PLOD2: variants seen among roughly 807,000 people sequenced by gnomAD.
The protein encoded by PLOD2 is procollagen-lysine,2-oxoglutarate 5-dioxygenase 2, also known as lysine hydroxylase 2.
In PLOD2, 65 loss-of-function variants were observed where a neutral mutation model predicts 101.0. That is an observed-to-expected ratio of 0.64 (90% confidence interval 0.53 to 0.79). PLOD2 has a LOEUF of 0.79. PLOD2 is among the 30% of genes least tolerant of loss of function. The pLI is 0.00. For missense variants in PLOD2, 909 were observed against 914.6 expected, an observed-to-expected ratio of 0.99 and a Z score of 0.08; for synonymous variants, 314 against 302.9, an observed-to-expected ratio of 1.04 and a Z score of -0.38.
chr3:146,120,433 T>A (rs1424913522), intron 3 of PLOD2, among the ~76,000 whole-genome samples: 1 of 152,104 alleles, frequency 6.6e-6, no homozygotes, highest in East Asian at 1.9e-4. Flanking sequence ...AAGCTGAAAC[T>A]TGATCCCTTC....
intron 5 of PLOD2, 65 bp from the exon 6 acceptor site, chr3:146,104,407 T>C: frequency 2.4e-6 from 2 of 830,622 alleles, no homozygotes; most frequent in Admixed American, 3.5e-5. Context: ...TCCTATCATA[T>C]TAATATAGTT....
chr3:146,159,159 C>T (rs544587542), intron 1 of PLOD2, among the ~76,000 whole-genome samples: 6 of 152,312 alleles, frequency 3.9e-5, no homozygotes, highest in Non-Finnish European at 8.8e-5. Context: ...TATTTTCCCA[C>T]ATTTCGACCC....
chr3:146,076,194 G>T (rs1408432880), intron 15 of PLOD2: 1 of 151,798 alleles, frequency 6.6e-6, no homozygotes, highest in African/African-American at 2.4e-5. Flanking sequence ...GTGAGAACAT[G>T]CAGTATTTGG....
intron 7 of PLOD2, among the ~76,000 whole-genome samples, chr3:146,099,354 C>T (rs1160626227): frequency 6.6e-6 from 1 of 152,036 alleles, no homozygotes; most frequent in Non-Finnish European, 1.5e-5. Flanking sequence ...AACATAAGGC[C>T]TTATCCATAA....
intron 11 of PLOD2, 69 bp downstream of exon 11, chr3:146,085,100 C>T: frequency 6.6e-6 from 5 of 752,168 alleles, no homozygotes; most frequent in East Asian, 5.3e-5. Flanking sequence ...ACAATTACTA[C>T]AGTATGTTCA....
At chr3:146,151,198 TAAA>T (rs2108140991) in intron 1 of PLOD2, among the ~76,000 whole-genome samples, 1 of 152,268 alleles carries the variant, frequency 6.6e-6, no homozygotes, top group South Asian at 2.1e-4. Context: ...TTCTGACACT[TAAA>T]AGTCAAGAGA....
chr3:146,089,299 T>C (rs894077443), intron 8 of PLOD2, among the ~76,000 whole-genome samples: 1 of 151,548 alleles, frequency 6.6e-6, no homozygotes, highest in Non-Finnish European at 1.5e-5. Context: ...TCTTTAGATA[T>C]GTTTTGGTGT....
intron 7 of PLOD2, among the ~76,000 whole-genome samples, chr3:146,101,999 T>C (rs1937404671): frequency 6.6e-6 from 1 of 152,192 alleles, no homozygotes; most frequent in Admixed American, 6.5e-5. Flanking sequence ...CACATAGCTT[T>C]TCCTGGAATT....
In PLOD2 at chr3:146,070,740, C is replaced by G. The variant is rs1377014346; in HGVS notation, c.2254G>C (p.Ala752Pro). The change falls in exon 20 of 20, where the codon GCA becomes CCA. Residue 752 changes from alanine to proline, a missense_variant. Transcript: ENST00000282903. ...ACTTAGGGATCTATAAATGACACTG[C>G]AATGTATCTTGTTCCATTTTTAACA... Reference protein sequence around the residue: ...LPVKNGTRYIAVSFIDP With the variant: ...LPVKNGTRYIPVSFIDP 2 of 1,606,762 alleles carry G rather than the reference C, an allele frequency of 1.2e-6. No homozygotes were observed. The highest frequency in any genetic ancestry group is 3.4e-5 in the Admixed American group (2 of 59,664).
In PLOD2 at chr3:146,106,624, A is replaced by G; in HGVS notation, c.523T>C (p.Tyr175His). Residue 175 changes from tyrosine (Y) to histidine (H), a missense_variant, in exon 5 of 20, where the codon TAT becomes CAT. By Grantham distance (83) the Tyr-to-His change is moderately conservative. Transcript: ENST00000282903. Reference protein sequence around the residue: ...NSGGFIGYAPYVNRIVQQWNL... With the variant: ...NSGGFIGYAPHVNRIVQQWNL... ...CATTGTTGAACTATACGGTTGACAT[A>G]TGGAGCATAGCCAATAAATCCTGCA... The G allele has an allele frequency of 1.9e-6, 3 of 1,571,532 alleles. No individual in the cohort carries two copies. The highest frequency in any genetic ancestry group is 2.6e-6 in the Non-Finnish European group (3 of 1,141,296).
chr3:146,072,675 A>T lies in PLOD2; in HGVS notation c.1744-10T>A. 2 of 1,491,292 alleles carry T rather than the reference A, an allele frequency of 1.3e-6. No homozygotes were observed. Among genetic ancestry groups the T allele is most frequent in the Non-Finnish European group, 1.9e-6 (2 of 1,068,976 alleles). The allele number at this position is 1,491,292 out of a possible 1,614,324, so 92.4% of individuals were successfully genotyped here. A position where few individuals can be genotyped will look rare whatever the true frequency, so the allele number is the denominator to read the frequency against. On this transcript the variant is annotated splice_polypyrimidine_tract_variant and intron_variant, in intron 16 of 19. Transcript: ENST00000282903. ...AGACATCTGGACAGGGCTATAAAAT[A>T]TGCATCATCGTTAGAAGACATAATA... is the stretch of plus-strand genomic sequence containing the variant.
At chr3:146,148,441 G>A (rs368631547) in intron 1 of PLOD2, among the ~76,000 whole-genome samples, 1 of 150,182 alleles carries the variant, frequency 6.7e-6, no homozygotes, top group Non-Finnish European at 1.5e-5. Flanking sequence ...ACCTAAATAC[G>A]AAGAATAAAT....
chr3:146,134,006 C>G lies in PLOD2; in HGVS notation c.110-9777G>C, dbSNP rs193044189. Among the ~76,000 whole-genome samples, 358 of 152,142 alleles carry G rather than the reference C, an allele frequency of 2.4e-3. 2 individuals carry two copies. The highest frequency in any genetic ancestry group is 8.3e-3 in the African/African-American group (343 of 41,520). ...AAATAAGGAGTTTAACCAGTAGGTTCAGGGGTCTAGCAATCACATCATTAC... is the reference window on the plus strand; with the variant it reads ...AAATAAGGAGTTTAACCAGTAGGTTGAGGGGTCTAGCAATCACATCATTAC... On this transcript the variant is annotated intron_variant, in intron 1 of 19. Coordinates refer to ENST00000282903, the MANE Select transcript of PLOD2 (RefSeq NM_182943.3).
At chr3:146,097,677 C>T (rs1937250277) in intron 7 of PLOD2, among the ~76,000 whole-genome samples, 1 of 125,592 alleles carries the variant, frequency 8.0e-6, no homozygotes, top group Non-Finnish European at 1.6e-5. Context: ...GCCGCAGGGT[C>T]CTCTGCCTAG....
chr3:146,126,849 T>C (rs2030593726), intron 1 of PLOD2, among the ~76,000 whole-genome samples: 1 of 152,096 alleles, frequency 6.6e-6, no homozygotes, highest in Non-Finnish European at 1.5e-5. Flanking sequence ...CCTTATAATT[T>C]AGAGACACAT....
intron 9 of PLOD2, 26 bp from the exon 10 acceptor site, chr3:146,086,934 AT>A: frequency 7.3e-7 from 1 of 1,375,370 alleles, no homozygotes; most frequent in Non-Finnish European, 1.0e-6. Context: ...AAAATCAAAA[AT>A]TAGAGAATAA....
Position 146,077,900 on chromosome 3 carries a change from G to C in PLOD2, c.1525C>G (p.Pro509Ala), listed in dbSNP as rs750108690. 4.4e-6 allele frequency: 7 copies of C among 1,601,306 alleles called. No individual in the cohort carries two copies. In the South Asian group the frequency reaches 7.7e-5, roughly 18 times the overall value. Residue 509 changes from proline to alanine, a missense_variant, in exon 14 of 20, where the codon CCT becomes GCT. Physicochemically the swap from Pro to Ala is conservative, Grantham distance 27. Coordinates refer to ENST00000282903, the MANE Select transcript of PLOD2 (RefSeq NM_182943.3). ...EMTLQREKDSPTPETFQMLSP... is the reference protein window; with the variant it reads ...EMTLQREKDSATPETFQMLSP... ...AGCATTTGGAATGTTTCCGGAGTAG[G>C]GGAGTCTTTTTCCCTTTGTAAAGTC...
intron 3 of PLOD2, among the ~76,000 whole-genome samples, chr3:146,120,078 A>ATTTCT (rs1275108430): frequency 2.0e-5 from 3 of 150,484 alleles, no homozygotes; most frequent in Admixed American, 6.7e-5. Context: ...AAGTGTTCCT[A>ATTTCT]TTTCTCCACA....
intron 1 of PLOD2, among the ~76,000 whole-genome samples, chr3:146,127,694 T>C (rs2030654659): frequency 6.6e-6 from 1 of 152,106 alleles, no homozygotes; most frequent in Admixed American, 6.6e-5. Context: ...AGATACCCAG[T>C]ACTGCGATGG....
Sources: allele counts gnomAD v4.1 joint callset (sites outside exome capture counted in the v4.1 genomes callset), GRCh38; gene constraint gnomAD v4.1.1; transcripts MANE v1.5; gene names NCBI Gene and HGNC (gene_info 2026-07-23, HGNC 2026-07-21).